Variants in PELI2 observed in about 807,000 individuals in gnomAD.
The protein encoded by PELI2 is E3 ubiquitin-protein ligase pellino homolog 2.
PELI2 carries 23 observed loss-of-function variants against 42.3 expected under a neutral mutation model. That is an observed-to-expected ratio of 0.54 (90% confidence interval 0.39 to 0.77). The LOEUF (loss-of-function observed/expected upper bound fraction) is 0.77, where lower values mean the gene tolerates loss of function less well. Ranked by LOEUF, PELI2 falls within the 30% of genes least tolerant of loss-of-function variation. The pLI, the probability that PELI2 is intolerant of heterozygous loss-of-function variation, is 0.00. For synonymous variants in PELI2, 245 were observed against 212.2 expected (o/e 1.15, Z -1.34); for missense variants, 463 against 553.2 (o/e 0.84, Z 1.64).
chr14:56,257,932 A>G (rs943577964), intron 2 of PELI2, among the ~76,000 whole-genome samples: 8 of 152,242 alleles, frequency 5.3e-5, no homozygotes, highest in Non-Finnish European at 1.0e-4. Context: ...GTAGAGCTAC[A>G]GAGGATACTC....
chr14:56,199,519 A>T (rs919580446), intron 2 of PELI2, among the ~76,000 whole-genome samples: 1 of 152,210 alleles, frequency 6.6e-6, no homozygotes, highest in African/African-American at 2.4e-5. Flanking sequence ...TTACATTTAA[A>T]ATAATAATTA....
chr14:56,237,666 C>G (rs1423215090), intron 2 of PELI2, among the ~76,000 whole-genome samples: 1 of 150,560 alleles, frequency 6.6e-6, no homozygotes, highest in African/African-American at 2.5e-5. Context: ...ATCATAATTG[C>G]TGGTTATTTC....
chr14:56,172,001 G>A (rs539011742), intron 1 of PELI2, among the ~76,000 whole-genome samples: 46 of 152,110 alleles, frequency 3.0e-4, no homozygotes, highest in African/African-American at 1.1e-3. Flanking sequence ...GGGTGACAGA[G>A]GAGACTCCAT....
intron 1 of PELI2, among the ~76,000 whole-genome samples, chr14:56,177,294 C>T (rs934453819): frequency 2.6e-5 from 4 of 152,200 alleles, no homozygotes; most frequent in Admixed American, 6.5e-5. Flanking sequence ...CCACTCCCTT[C>T]TGGGTGTAGC....
chr14:56,120,946 T>C (rs1053836085), intron 1 of PELI2, among the ~76,000 whole-genome samples: 1 of 152,186 alleles, frequency 6.6e-6, no homozygotes, highest in Non-Finnish European at 1.5e-5. Flanking sequence ...TTACCAATGT[T>C]GAACACATTG....
At chr14:56,135,853 G>A (rs538721767) in intron 1 of PELI2, among the ~76,000 whole-genome samples, 5 of 152,290 alleles carry the variant, frequency 3.3e-5, no homozygotes, top group African/African-American at 1.2e-4. Context: ...TTTGGACTGT[G>A]GAAGTTTTAG....
intron 1 of PELI2, among the ~76,000 whole-genome samples, chr14:56,156,684 G>A (rs1884578032): frequency 6.6e-6 from 1 of 152,204 alleles, no homozygotes; most frequent in African/African-American, 2.4e-5. Context: ...TAGCTGTTGA[G>A]CACTTGAAGT....
intron 2 of PELI2, among the ~76,000 whole-genome samples, chr14:56,269,316 G>A (rs242586): frequency 0.047 from 7,143 of 151,956 alleles, 239 homozygotes; most frequent in Non-Finnish European, 0.069. Context: ...GGTGGTGTGC[G>A]CCTGTGGTCC....
chr14:56,151,264 TG>T (rs1431382546), intron 1 of PELI2, among the ~76,000 whole-genome samples: 1 of 152,214 alleles, frequency 6.6e-6, no homozygotes, highest in South Asian at 2.1e-4. Context: ...CCCATTTACC[TG>T]GTGAATTTTT....
At chr14:56,135,028 A>G (rs1490856112) in intron 1 of PELI2, among the ~76,000 whole-genome samples, 1 of 152,196 alleles carries the variant, frequency 6.6e-6, no homozygotes, top group African/African-American at 2.4e-5. Context: ...AGGGAAATGT[A>G]ATATTTTTAA....
At chr14:56,121,094 T>A (rs1430899811) in intron 1 of PELI2, among the ~76,000 whole-genome samples, 2 of 152,182 alleles carry the variant, frequency 1.3e-5, no homozygotes, top group Non-Finnish European at 2.9e-5. Flanking sequence ...ATCATCTTTA[T>A]GATATTATCT....
In PELI2 at chr14:56,267,994, G is replaced by A. The variant is rs572123655; in HGVS notation, c.208-11682G>A. 1.5e-4 allele frequency among the ~76,000 whole-genome samples: 23 copies of A among 152,184 alleles called. No individual in the cohort carries two copies. The South Asian group carries it at 4.8e-3, about 32-fold the overall frequency. On this transcript the variant is annotated intron_variant, in intron 2 of 5. Coordinates refer to ENST00000267460, the MANE Select transcript of PELI2 (RefSeq NM_021255.3). The stretch of plus-strand genomic sequence containing the variant: ...TCATTGGGTATCTTAGTATAAAATC[G>A]ATTTATGTCAGATTCAATTTATAGC...
chr14:56,265,248 A>G (rs114971111), intron 2 of PELI2, among the ~76,000 whole-genome samples: 2,868 of 152,268 alleles, frequency 0.019, 90 homozygotes, highest in African/African-American at 0.065. Flanking sequence ...TTTTAAAGCT[A>G]CAGTAATTAA....
chr14:56,148,584 G>A lies in PELI2; in HGVS notation c.78-29751G>A, dbSNP rs149142678. ...GTCCTCCCCAGCCCTTGTCTGCTCC[G>A]AACATATACATTCAGCCTTTCAAGA... On this transcript the variant is annotated intron_variant, in intron 1 of 5. Coordinates refer to ENST00000267460, the MANE Select transcript of PELI2 (RefSeq NM_021255.3). Among the ~76,000 whole-genome samples, 27 of 152,264 alleles carry A rather than the reference G, an allele frequency of 1.8e-4. No individual in the cohort carries two copies. In the East Asian group the frequency reaches 5.2e-3, roughly 29 times the overall value.
intron 1 of PELI2, among the ~76,000 whole-genome samples, chr14:56,135,803 A>G (rs1413730448): frequency 2.0e-5 from 3 of 152,228 alleles, no homozygotes; most frequent in Non-Finnish European, 4.4e-5. Context: ...TTATGTAGTA[A>G]AGACCTCTGT....
At chr14:56,174,522 G>A (rs536632800) in intron 1 of PELI2, among the ~76,000 whole-genome samples, 49 of 152,282 alleles carry the variant, frequency 3.2e-4, no homozygotes, top group African/African-American at 1.1e-3. Context: ...TGTCAGAGGA[G>A]GGGCCTGGCA....
At chr14:56,208,810 T>C (rs2139723470) in intron 2 of PELI2, among the ~76,000 whole-genome samples, 1 of 152,340 alleles carries the variant, frequency 6.6e-6, no homozygotes. Context: ...CTCACCACTT[T>C]CATAGAAAAC....
chr14:56,235,886 C>T (rs544476080), intron 2 of PELI2, among the ~76,000 whole-genome samples: 1 of 152,158 alleles, frequency 6.6e-6, no homozygotes, highest in Non-Finnish European at 1.5e-5. Flanking sequence ...CATAACCTAG[C>T]TGGTGAGGTT....
intron 1 of PELI2, among the ~76,000 whole-genome samples, chr14:56,170,544 A>T (rs1446034821): frequency 6.6e-6 from 1 of 152,308 alleles, no homozygotes; most frequent in East Asian, 1.9e-4. Flanking sequence ...ATGTAGCTTT[A>T]GGTTCTGCCT....
Sources: allele counts gnomAD v4.1 joint callset (sites outside exome capture counted in the v4.1 genomes callset), GRCh38; gene constraint gnomAD v4.1.1; transcripts MANE v1.5; gene names NCBI Gene and HGNC (gene_info 2026-07-23, HGNC 2026-07-21).